NAA60: variants seen among roughly 807,000 people sequenced by gnomAD.
NAA60 encodes the protein N-alpha-acetyltransferase 60, NatF catalytic subunit.
A neutral mutation model predicts 26.1 loss-of-function variants in NAA60; 8 were observed. The ratio of observed to expected loss-of-function variants is 0.31; its 90% confidence interval spans 0.18 to 0.55. The LOEUF (loss-of-function observed/expected upper bound fraction) is 0.55. Ranked by LOEUF, NAA60 falls within the 20% of genes least tolerant of loss-of-function variation. The pLI is 0.93. For missense variants in NAA60, 290 were observed against 311.3 expected, an observed-to-expected ratio of 0.93 and a Z score of 0.51; for synonymous variants, 131 against 122.5, an observed-to-expected ratio of 1.07 and a Z score of -0.46.
At chr16:3,469,890 G>A (rs2036014999) in intron 2 of NAA60, among the ~76,000 whole-genome samples, 1 of 152,184 alleles carries the variant, frequency 6.6e-6, no homozygotes, top group Admixed American at 6.5e-5. Flanking sequence ...GAGCCCTCAG[G>A]CACTGCATCA....
chr16:3,478,338 A>T (rs1205281104), intron 3 of NAA60, among the ~76,000 whole-genome samples: 1 of 152,218 alleles, frequency 6.6e-6, no homozygotes, highest in Non-Finnish European at 1.5e-5. Flanking sequence ...GACTCTGCCC[A>T]GGGTTGCCTG....
intron 2 of NAA60, among the ~76,000 whole-genome samples, chr16:3,450,567 G>A (rs1335039917): frequency 6.6e-6 from 1 of 151,994 alleles, no homozygotes; most frequent in Non-Finnish European, 1.5e-5. Context: ...GAGCGTGGTG[G>A]TGGGCACCTG....
intron 2 of NAA60, among the ~76,000 whole-genome samples, chr16:3,458,887 G>C (rs1427261286): frequency 6.6e-6 from 1 of 152,166 alleles, no homozygotes; most frequent in African/African-American, 2.4e-5. Flanking sequence ...GTCCTGCTGG[G>C]AAAATTTGGG....
At position 3,485,526 on chromosome 16, in the gene NAA60, C is replaced by A. The variant is rs746579802; in HGVS notation, c.*266C>A. ...CTGCCTGCTGCCCTGGCCCTGCCCC[C>A]CTGCGCATGCACCGTCCCCAGGGCT... On this transcript the variant is annotated 3_prime_UTR_variant, in exon 8 of 8. Coordinates refer to ENST00000407558, the MANE Select transcript of NAA60 (RefSeq NM_001083601.3). 2.2e-6 allele frequency: 1 copy of A among 455,562 alleles called. No individual in the cohort carries two copies. Among genetic ancestry groups the A allele is most frequent in the Non-Finnish European group, 4.4e-6 (1 of 226,366 alleles). The allele number at this position is 455,562 out of a possible 1,614,324, so 28.2% of individuals were successfully genotyped here. A position where few individuals can be genotyped will look rare whatever the true frequency, so the allele number is the denominator to read the frequency against.
chr16:3,462,826 C>G (rs1218844920), intron 2 of NAA60: 2 of 152,176 alleles, frequency 1.3e-5, no homozygotes, highest in Non-Finnish European at 1.5e-5. Context: ...TTACTATGAA[C>G]ATGGGTTGCT....
chr16:3,457,955 A>G (rs1168068235), intron 2 of NAA60: 4 of 983,518 alleles, frequency 4.1e-6, no homozygotes, highest in Admixed American at 6.1e-5. Context: ...CGCCGGCCTC[A>G]GGGGGCGGGG....
intron 4 of NAA60, among the ~76,000 whole-genome samples, chr16:3,481,773 A>G (rs1182601357): frequency 3.9e-5 from 6 of 152,130 alleles, no homozygotes; most frequent in Admixed American, 2.0e-4. Context: ...TCCTCCCTGG[A>G]CTGACATATC....
chr16:3,448,005 C>G (rs1285393754), intron 1 of NAA60, among the ~76,000 whole-genome samples: 1 of 152,094 alleles, frequency 6.6e-6, no homozygotes, highest in African/African-American at 2.4e-5. Context: ...AGATTCTTGA[C>G]CTACTCATAC....
intron 2 of NAA60, among the ~76,000 whole-genome samples, chr16:3,456,185 A>G (rs549537783): frequency 1.3e-5 from 2 of 152,310 alleles, no homozygotes; most frequent in Admixed American, 1.3e-4. Flanking sequence ...TTCAAACTGT[A>G]CTGTGCTTGT....
chr16:3,465,158 TC>T (rs1247014466), intron 2 of NAA60, among the ~76,000 whole-genome samples: 7 of 151,342 alleles, frequency 4.6e-5, no homozygotes, highest in African/African-American at 1.5e-4. Flanking sequence ...CCCCAGCTAC[TC>T]GGGAGGCTGA....
chr16:3,482,472 G>C, intron 4 of NAA60, 30 bp from the exon 5 acceptor site: 4 of 1,549,022 alleles, frequency 2.6e-6, no homozygotes, highest in African/African-American at 1.4e-5. Flanking sequence ...AGACGTGTGA[G>C]CCTGACTTTC....
At chr16:3,465,442 A>T (rs915202259) in intron 2 of NAA60, among the ~76,000 whole-genome samples, 1 of 151,892 alleles carries the variant, frequency 6.6e-6, no homozygotes, top group African/African-American at 2.4e-5. Flanking sequence ...TGTCATCGCC[A>T]CTTCTGACAC....
chr16:3,482,367 C>G (rs1431306216), intron 4 of NAA60, 135 bp from the exon 5 acceptor site: 2 of 718,314 alleles, frequency 2.8e-6, no homozygotes, highest in South Asian at 1.6e-5. Context: ...TCCAGTACCT[C>G]TTGATTCTGC....
At chr16:3,448,287 A>AC (rs1285645933) in intron 1 of NAA60, among the ~76,000 whole-genome samples, 184 bp from the exon 2 acceptor site, 2 of 151,356 alleles carry the variant, frequency 1.3e-5, no homozygotes, top group Admixed American at 6.6e-5. Context: ...AAAAAAAAAA[A>AC]AAAAAACATG....
intron 2 of NAA60, among the ~76,000 whole-genome samples, chr16:3,474,092 G>T (rs1248782522): frequency 1.3e-5 from 2 of 151,892 alleles, no homozygotes; most frequent in African/African-American, 4.8e-5. Context: ...GAACAAAGGG[G>T]TGGGCACAAG....
chr16:3,463,422 A>G, intron 2 of NAA60, among the ~76,000 whole-genome samples: 1 of 151,284 alleles, frequency 6.6e-6, no homozygotes, highest in East Asian at 2.0e-4. Context: ...TAGTAACTTA[A>G]TGTCTGTACT....
At chr16:3,462,242 CAACT>C (rs943709287) in intron 2 of NAA60, among the ~76,000 whole-genome samples, 13 of 152,192 alleles carry the variant, frequency 8.5e-5, no homozygotes, top group South Asian at 2.1e-4. Context: ...ATCTTGAAAA[CAACT>C]AACTATTGAA....
At chr16:3,446,992 C>A (rs571794141) in intron 1 of NAA60, among the ~76,000 whole-genome samples, 1 of 152,082 alleles carries the variant, frequency 6.6e-6, no homozygotes, top group African/African-American at 2.4e-5. Flanking sequence ...TAGGTGCGTA[C>A]CACCACACCT....
intron 1 of NAA60, 161 bp downstream of exon 1, chr16:3,443,998 G>C: frequency 7.7e-7 from 1 of 1,299,768 alleles, no homozygotes. Context: ...CTTTGTGTAC[G>C]TTCACAACGT....
Sources: gnomAD v4.1 joint callset for allele counts (sites outside exome capture counted in the v4.1 genomes callset) on GRCh38, gnomAD v4.1.1 for gene constraint, MANE v1.5 for transcripts, NCBI Gene and HGNC (gene_info 2026-07-23, HGNC 2026-07-21) for gene names.